The following TENT4B variants were observed in gnomAD, a reference collection of about 807,000 sequenced individuals.
The protein encoded by TENT4B is terminal nucleotidyltransferase 4B, also known as PAP associated domain containing 5.
In TENT4B, 10 loss-of-function variants were observed where a neutral mutation model predicts 75.0. The ratio of observed to expected loss-of-function variants is 0.13; its 90% CI spans 0.08 to 0.23. TENT4B has a LOEUF of 0.23. Ranked by LOEUF, TENT4B falls within the 10% of genes least tolerant of loss-of-function variation. The pLI, the probability that TENT4B is intolerant of heterozygous loss-of-function variation, is 1.00. For synonymous variants in TENT4B, 350 were observed against 357.7 expected, an observed-to-expected ratio of 0.98 and a Z score of 0.24; for missense variants, 579 against 893.8, an observed-to-expected ratio of 0.65 and a Z score of 4.49.
At position 50,232,127 on chromosome 16, in the gene TENT4B, T is replaced by G; in HGVS notation, c.*2799T>G. On this transcript the variant is annotated 3_prime_UTR_variant, in exon 12 of 12. Coordinates refer to ENST00000561678, the MANE Select transcript of TENT4B (RefSeq NM_001365324.3). Reference sequence around the variant, plus strand: ...TAGAGGAGCTGATGGGTTGGTGAGGTGTCAGCACAAAATCTTACTGGTTAT... The same window carrying G: ...TAGAGGAGCTGATGGGTTGGTGAGGGGTCAGCACAAAATCTTACTGGTTAT... 2.0e-6 allele frequency: 2 copies of G among 985,428 alleles called. No individual in the cohort carries two copies. The highest frequency in any genetic ancestry group is 2.4e-6 in the Non-Finnish European group (2 of 829,934). 61.0% of individuals were successfully genotyped at this position (985,428 alleles called of 1,614,324 possible).
intron 1 of TENT4B, among the ~76,000 whole-genome samples, chr16:50,156,496 C>T (rs1753660467): frequency 6.6e-6 from 1 of 152,066 alleles, no homozygotes; most frequent in African/African-American, 2.4e-5. Context: ...AGGCGCTTGC[C>T]ACCACGCCTG....
intron 1 of TENT4B, among the ~76,000 whole-genome samples, chr16:50,154,801 A>G (rs1226984157): frequency 6.6e-6 from 1 of 152,172 alleles, no homozygotes; most frequent in African/African-American, 2.4e-5. Context: ...GACAGCAATT[A>G]TGTCAGCCCT....
At chr16:50,178,507 A>G (rs551683342) in intron 1 of TENT4B, among the ~76,000 whole-genome samples, 5 of 152,278 alleles carry the variant, frequency 3.3e-5, no homozygotes, top group Non-Finnish European at 5.9e-5. Flanking sequence ...ATGTGACTTC[A>G]AAATAACTAC....
intron 1 of TENT4B, among the ~76,000 whole-genome samples, chr16:50,194,242 G>C (rs1453660655): frequency 3.0e-5 from 4 of 134,822 alleles, no homozygotes; most frequent in Non-Finnish European, 6.2e-5. Flanking sequence ...CTGAGACGGA[G>C]TCTTGCTCTG....
At chr16:50,176,082 C>CAATAT (rs1453481233) in intron 1 of TENT4B, among the ~76,000 whole-genome samples, 5 of 151,012 alleles carry the variant, frequency 3.3e-5, no homozygotes, top group Non-Finnish European at 5.9e-5. Flanking sequence ...TCAGCCCAGC[C>CAATAT]AATATAATTC....
At chr16:50,191,276 G>A (rs1160716797) in intron 1 of TENT4B, among the ~76,000 whole-genome samples, 1 of 151,588 alleles carries the variant, frequency 6.6e-6, no homozygotes, top group Non-Finnish European at 1.5e-5. Flanking sequence ...TTTTTTTTGA[G>A]GAAGTGCCAT....
At chr16:50,191,125 T>G (rs1175346809) in intron 1 of TENT4B, among the ~76,000 whole-genome samples, 4 of 150,648 alleles carry the variant, frequency 2.7e-5, no homozygotes, top group Non-Finnish European at 4.4e-5. Flanking sequence ...CACTGGACAT[T>G]TGGGTTGCTT....
intron 1 of TENT4B, among the ~76,000 whole-genome samples, chr16:50,202,201 T>G (rs986319850): frequency 6.6e-6 from 1 of 152,222 alleles, no homozygotes; most frequent in African/African-American, 2.4e-5. Flanking sequence ...AATTTTCATA[T>G]GTAGGAGTCC....
intron 1 of TENT4B, among the ~76,000 whole-genome samples, chr16:50,202,931 C>T (rs2030737979): frequency 6.6e-6 from 1 of 152,136 alleles, no homozygotes; most frequent in Non-Finnish European, 1.5e-5. Context: ...AAACTGTAGT[C>T]CAGAAATTGA....
intron 1 of TENT4B, among the ~76,000 whole-genome samples, chr16:50,198,968 TG>T (rs1478004954): frequency 6.6e-6 from 1 of 152,134 alleles, no homozygotes; most frequent in African/African-American, 2.4e-5. Flanking sequence ...TACGCAAAGG[TG>T]GTATTTGCTT....
At chr16:50,226,120 C>G (rs1253975030) in intron 10 of TENT4B, among the ~76,000 whole-genome samples, 1 of 152,024 alleles carries the variant, frequency 6.6e-6, no homozygotes, top group Non-Finnish European at 1.5e-5. Context: ...CTGCCTCAGC[C>G]TCCTGAGTAT....
intron 1 of TENT4B, among the ~76,000 whole-genome samples, chr16:50,154,804 T>TCAGC (rs1362490282): frequency 6.6e-6 from 1 of 152,196 alleles, no homozygotes; most frequent in Admixed American, 6.5e-5. Context: ...AGCAATTATG[T>TCAGC]CAGCCCTGTA....
chr16:50,161,540 G>A (rs2038002301), intron 1 of TENT4B, among the ~76,000 whole-genome samples: 1 of 152,112 alleles, frequency 6.6e-6, no homozygotes. Flanking sequence ...TGTAATAAAA[G>A]TTTCAATAAA....
chr16:50,166,378 C>T (rs138418023), intron 1 of TENT4B, among the ~76,000 whole-genome samples: 1 of 152,302 alleles, frequency 6.6e-6, no homozygotes, highest in East Asian at 1.9e-4. Context: ...AGCCACTGCA[C>T]CCAGTCTGCA....
chr16:50,230,144 A>G lies in TENT4B; in HGVS notation c.*816A>G. The G allele has an allele frequency of 1.0e-6, 1 of 984,248 alleles. No individual in the cohort carries two copies. The highest frequency in any genetic ancestry group is 1.2e-6 in the Non-Finnish European group (1 of 829,314). 61.0% of individuals were successfully genotyped at this position (984,248 alleles called of 1,614,324 possible). A position where few individuals can be genotyped will look rare whatever the true frequency, so the allele number is the denominator to read the frequency against. ...GTAAAAAAAAAAAAATGTACTATGT[A>G]CTTTTGTGTAAACACTGAAAAATCT... On this transcript the variant is annotated 3_prime_UTR_variant, in exon 12 of 12. Coordinates refer to ENST00000561678, the MANE Select transcript of TENT4B (RefSeq NM_001365324.3).
rs1360801702 is a variant in TENT4B, at chr16:50,229,203, A to T, written c.2017A>T (p.Thr673Ser). Residue 673 changes from threonine to serine, a missense_variant, in exon 12 of 12, where the codon ACT (threonine) becomes TCT (serine). Physicochemically the swap from Thr to Ser is moderately conservative, Grantham distance 58. This residue lies in a region of TENT4B where 164 missense variants were observed against 226.5 expected (regional missense o/e 0.72). Coordinates refer to ENST00000561678, the MANE Select transcript of TENT4B (RefSeq NM_001365324.3). ...RSSSKGFQGT[T>S]QTSHGSLMTN... ...TTCCAGCAAAGGCTTCCAAGGTACAACTCAAACAAGCCATGGTTCCTTGAT... is the reference window on the plus strand; with the variant it reads ...TTCCAGCAAAGGCTTCCAAGGTACATCTCAAACAAGCCATGGTTCCTTGAT... The T allele has an allele frequency of 1.2e-6, 2 of 1,613,974 alleles. No individual in the cohort carries two copies. The highest frequency in any genetic ancestry group is 2.7e-5 in the African/African-American group (2 of 75,056).
chr16:50,208,803 G>A (rs1203792101), intron 1 of TENT4B, among the ~76,000 whole-genome samples: 6 of 152,072 alleles, frequency 3.9e-5, no homozygotes, highest in African/African-American at 1.4e-4. Context: ...CACGGTGTCA[G>A]CTCACTGCAG....
intron 7 of TENT4B, 106 bp from the exon 8 acceptor site, chr16:50,224,551 T>C (rs1353510651): frequency 7.7e-6 from 11 of 1,427,526 alleles, no homozygotes; most frequent in Non-Finnish European, 1.0e-5. Context: ...CAGGCACAAC[T>C]CTGGTGGGAT....
Position 50,224,700 on chromosome 16 carries a change from G to A in TENT4B, c.1425G>A (p.Lys475=). Residue 475 remains lysine, a synonymous_variant, in exon 8 of 12, where the codon AAG becomes AAA. Transcript: ENST00000561678. The part of the protein sequence containing the change: ...GRSSYGAMQV[K]QAFDYAYVVL... ...GTTCATATGGGGCCATGCAAGTGAA[G>A]CAGGCCTTTGATTATGCCTACGTTG... 1 of 1,614,018 alleles carries A rather than the reference G, an allele frequency of 6.2e-7. No homozygotes were observed. The highest frequency in any genetic ancestry group is 8.5e-7 in the Non-Finnish European group (1 of 1,179,880).
Sources: allele counts gnomAD v4.1 joint callset (sites outside exome capture counted in the v4.1 genomes callset), GRCh38; gene constraint gnomAD v4.1.1; regional missense constraint gnomAD v4.1.1; transcripts MANE v1.5; gene names NCBI Gene and HGNC (gene_info 2026-07-23, HGNC 2026-07-21).